The following MARCO variants were observed in gnomAD, a reference collection of about 807,000 sequenced individuals.
MARCO encodes the protein macrophage receptor with collagenous structure, also known as macrophage receptor MARCO.
In MARCO, 72 loss-of-function variants were observed where a neutral mutation model predicts 70.0. That is an observed-to-expected ratio of 1.03 (90% CI 0.85 to 1.25). The LOEUF (loss-of-function observed/expected upper bound fraction) is 1.25. Among genes scored for constraint, MARCO ranks in the 50% most tolerant of loss-of-function variants. MARCO has a pLI of 0.00. For missense variants in MARCO, 696 were observed against 659.3 expected (o/e 1.06, Z -0.61); for synonymous variants, 273 against 243.1 (o/e 1.12, Z -1.14).
At position 118,965,840 on chromosome 2, in the gene MARCO, C is replaced by T. The variant is rs956701259; in HGVS notation, c.98-3320C>T. Among the ~76,000 whole-genome samples the T allele has an allele frequency of 2.6e-5, 4 of 152,180 alleles. No homozygotes were observed. In the East Asian group the frequency reaches 7.7e-4, roughly 29 times the overall value. ...GGTGCCATTAGTTCTTGCTGGTCCC[C>T]TGCTGGTCCTTCCTGCAAGGCAGAA... On this transcript the variant is annotated intron_variant, in intron 1 of 16. Transcript: ENST00000327097.
chr2:118,982,421 G>A lies in MARCO; in HGVS notation c.1063+11G>A. ...GCAAAGGGGACACAGGTAACAGAGG[G>A]TGCAGTGGGTGAGTAGGTGGGCTTG... On this transcript the variant is annotated intron_variant, in intron 12 of 16. Transcript: ENST00000327097. 1.2e-6 allele frequency: 2 copies of A among 1,613,632 alleles called. No individual in the cohort carries two copies.
At chr2:118,986,647 A>G (rs1296959517) in intron 12 of MARCO, among the ~76,000 whole-genome samples, 1 of 50,944 alleles carries the variant, frequency 2.0e-5, no homozygotes. Context: ...GAAAGAAAGA[A>G]AGAAAGAAGG....
At chr2:118,947,204 A>C (rs1444114764) in intron 1 of MARCO, among the ~76,000 whole-genome samples, 1 of 152,186 alleles carries the variant, frequency 6.6e-6, no homozygotes, top group African/African-American at 2.4e-5. Context: ...TGTATGTATT[A>C]TGCTTTCGGT....
At chr2:118,945,404 CT>C (rs55684033) in intron 1 of MARCO, among the ~76,000 whole-genome samples, 3,234 of 123,098 alleles carry the variant, frequency 0.026, 63 homozygotes, top group African/African-American at 0.089. Flanking sequence ...CCTCTTGTTT[CT>C]TTTTTTTTTT....
chr2:118,991,024 C>A (rs1340572522), intron 13 of MARCO, among the ~76,000 whole-genome samples: 1 of 152,096 alleles, frequency 6.6e-6, no homozygotes, highest in Admixed American at 6.5e-5. Context: ...CTCTTCTTGG[C>A]CCCCAAGCTT....
At chr2:118,958,260 C>T (rs1679875455) in intron 1 of MARCO, among the ~76,000 whole-genome samples, 1 of 152,034 alleles carries the variant, frequency 6.6e-6, no homozygotes, top group African/African-American at 2.4e-5. Context: ...CTTAAGGGCT[C>T]CTCCAGAAAG....
chr2:118,973,180 TAC>T (rs1194403336), intron 4 of MARCO, among the ~76,000 whole-genome samples: 1 of 152,064 alleles, frequency 6.6e-6, no homozygotes, highest in East Asian at 1.9e-4. Context: ...TAGATGTATG[TAC>T]ACAGAGAAAA....
At chr2:118,991,327 A>AG (rs1025267459) in intron 13 of MARCO, among the ~76,000 whole-genome samples, 43 of 151,462 alleles carry the variant, frequency 2.8e-4, no homozygotes, top group African/African-American at 9.7e-4. Context: ...GTGCCAGGAC[A>AG]GGATAGCTCA....
chr2:118,992,529 C>G lies in MARCO; in HGVS notation c.1252+53C>G, dbSNP rs1680642494. The G allele has an allele frequency of 1.7e-5, 25 of 1,456,990 alleles. 1 individual carries two copies. The South Asian group carries it at 2.9e-4, about 17-fold the overall frequency. 90.3% of individuals were successfully genotyped at this position (1,456,990 alleles called of 1,614,324 possible). ...GTGTGCTTTAAAGTCAATTCTGCAC[C>G]TGAAAATTGTGTGTGTTGGGGGAAG... On this transcript the variant is annotated intron_variant, in intron 15 of 16. Transcript: ENST00000327097.
rs1680682576 is a variant in MARCO at position 118,994,395 on chromosome 2, C to A, written c.1438C>A (p.Gln480Lys). 6.2e-7 allele frequency: 1 copy of A among 1,614,126 alleles called. No homozygotes were observed. The highest frequency in any genetic ancestry group is 1.3e-5 in the African/African-American group (1 of 75,042). ...GCTTTCTCTCTATCAAGGCACTGGGCAGATCTGGCTGGATAATGTTCAGTG... is the reference window on the plus strand; with the variant it reads ...GCTTTCTCTCTATCAAGGCACTGGGAAGATCTGGCTGGATAATGTTCAGTG... ...ALYKVGAGTG[Q>K]IWLDNVQCRG... The change falls in exon 17 of 17, where the codon CAG (glutamine) becomes AAG (lysine). Residue 480 changes from glutamine (Q) to lysine (K), a missense_variant. Around this residue, in one of 3 missense-constraint regions of MARCO, gnomAD observed 58 missense variants for 62.1 expected, o/e 0.93. Coordinates refer to ENST00000327097, the MANE Select transcript of MARCO (RefSeq NM_006770.4).
intron 12 of MARCO, among the ~76,000 whole-genome samples, chr2:118,986,641 GAAAGAAAGAAA>G (rs1558671545): frequency 2.3e-4 from 10 of 42,674 alleles, no homozygotes; most frequent in Admixed American, 8.9e-4. Context: ...AAGAAAGAAA[GAAAGAAAGAAA>G]GAAGGAAGGA....
intron 4 of MARCO, among the ~76,000 whole-genome samples, chr2:118,973,861 A>T (rs148647074): frequency 1.3e-5 from 2 of 152,220 alleles, no homozygotes; most frequent in East Asian, 3.9e-4. Flanking sequence ...ACAAATACCT[A>T]TTGAAAGTTC....
Position 118,981,482 on chromosome 2 carries a change from T to A in MARCO, c.840T>A (p.Gly280=). The change falls in exon 9 of 17, where the codon GGT becomes GGA. Residue 280 remains glycine (G), a synonymous_variant. Transcript: ENST00000327097. The part of the protein sequence containing the change: ...MGPPGAQGSK[G]DFGRPGPPGL... The stretch of plus-strand genomic sequence containing the variant: ...CTCCTGGAGCCCAGGGGAGTAAAGG[T>A]GACTTCGGGAGGCCAGGCCCACCAG... 2 of 1,599,106 alleles carry A rather than the reference T, an allele frequency of 1.3e-6. No individual in the cohort carries two copies. Among genetic ancestry groups the A allele is most frequent in the Non-Finnish European group, 1.7e-6 (2 of 1,176,746 alleles).
At chr2:118,974,587 A>G in intron 6 of MARCO, 22 bp downstream of exon 6, 6 of 1,607,774 alleles carry the variant, frequency 3.7e-6, no homozygotes, top group Non-Finnish European at 5.1e-6. Flanking sequence ...CTGGGTATGT[A>G]CCCAGAAATA....
intron 2 of MARCO, 107 bp downstream of exon 2, chr2:118,969,368 C>T (rs1179548736): frequency 2.6e-6 from 2 of 768,292 alleles, no homozygotes; most frequent in Non-Finnish European, 4.5e-6. Flanking sequence ...CGGGCCACTG[C>T]TCCCATCTGC....
chr2:118,958,158 A>T (rs377349184), intron 1 of MARCO, among the ~76,000 whole-genome samples: 2 of 152,066 alleles, frequency 1.3e-5, no homozygotes, highest in African/African-American at 4.8e-5. Context: ...CAGAGCAATC[A>T]GACAAGATTA....
At chr2:118,947,996 T>A (rs1241146493) in intron 1 of MARCO, among the ~76,000 whole-genome samples, 1 of 152,206 alleles carries the variant, frequency 6.6e-6, no homozygotes, top group African/African-American at 2.4e-5. Flanking sequence ...GGTCTTTGGT[T>A]CTTTTAACTA....
At chr2:118,956,189 T>C (rs1170514441) in intron 1 of MARCO, among the ~76,000 whole-genome samples, 2 of 152,166 alleles carry the variant, frequency 1.3e-5, no homozygotes, top group Non-Finnish European at 2.9e-5. Context: ...ACTTAAAAGA[T>C]ACAGAACTGC....
In MARCO at chr2:118,990,569, C is replaced by CGGGTGTGGG; in HGVS notation, c.1064-20_1064-19insGGGTGTGGG. 7.1e-7 allele frequency: 1 copy of CGGGTGTGGG among 1,415,982 alleles called. No individual in the cohort carries two copies. Among genetic ancestry groups the CGGGTGTGGG allele is most frequent in the Non-Finnish European group, 9.7e-7 (1 of 1,028,338 alleles). The allele number at this position is 1,415,982 out of a possible 1,614,324, so 87.7% of individuals were successfully genotyped here. A position where few individuals can be genotyped will look rare whatever the true frequency, so the allele number is the denominator to read the frequency against. ...AGTTTTATTATCTCCTCCCCCCCCC[C>CGGGTGTGGG]TTTTTTGTTTTGATCTTAGGACTTC... On this transcript the variant is annotated intron_variant, in intron 12 of 16. Transcript: ENST00000327097.
Sources: allele counts gnomAD v4.1 joint callset (sites outside exome capture counted in the v4.1 genomes callset), GRCh38; gene constraint gnomAD v4.1.1; regional missense constraint gnomAD v4.1.1; transcripts MANE v1.5; gene names NCBI Gene and HGNC (gene_info 2026-07-23, HGNC 2026-07-21).